EPB41L1: variants seen among roughly 807,000 people sequenced by gnomAD.
EPB41L1 encodes the protein erythrocyte membrane protein band 4.1 like 1.
Under a neutral mutation model 97.8 loss-of-function variants are expected in EPB41L1, and 29 were observed. The observed-to-expected ratio is 0.30, with a 90% CI of 0.22 to 0.40. EPB41L1 has a LOEUF of 0.40. Ranked by LOEUF, EPB41L1 falls within the 10% of genes least tolerant of loss-of-function variation. EPB41L1 has a pLI of 1.00. For missense variants in EPB41L1, 812 were observed against 1,162.3 expected (o/e 0.70, Z 4.38); for synonymous variants, 383 against 459.2 (o/e 0.83, Z 2.12).
chr20:36,092,647 C>A lies in EPB41L1; in HGVS notation c.-65+1035C>A, dbSNP rs1331988318. On this transcript the variant is annotated intron_variant, in intron 1 of 19. Coordinates refer to the EPB41L1 transcript ENST00000202028. The surrounding 1 kb of genome is among the most constrained non-coding windows in gnomAD (Gnocchi z 7.0). ...GAGCGGCGAGAGGGGGTGTGGGGGG[C>A]GGGCGAGGAGGGGGCTGAGCGCCGT... The A allele has an allele frequency of 6.6e-6, 1 of 151,108 alleles. No individual in the cohort carries two copies. The highest frequency in any genetic ancestry group is 2.4e-5 in the African/African-American group (1 of 41,210). The allele number at this position is 151,108 out of a possible 1,614,324, so 9.4% of individuals were successfully genotyped here.
At chr20:36,097,562 G>A (rs572449949) in intron 1 of EPB41L1, among the ~76,000 whole-genome samples, 30 of 152,312 alleles carry the variant, frequency 2.0e-4, no homozygotes, top group East Asian at 3.9e-4. Flanking sequence ...AAACAGAAAT[G>A]AATCCAGCAG....
At chr20:36,183,676 G>A (rs148585521) in intron 6 of EPB41L1, among the ~76,000 whole-genome samples, 128 of 152,298 alleles carry the variant, frequency 8.4e-4, no homozygotes, top group African/African-American at 2.8e-3. Flanking sequence ...AGTTAGGCCC[G>A]AAATAAACTG....
At chr20:36,165,596 G>A (rs1351025487) in intron 1 of EPB41L1, among the ~76,000 whole-genome samples, 2 of 152,184 alleles carry the variant, frequency 1.3e-5, no homozygotes, top group Non-Finnish European at 2.9e-5. Context: ...CTACTCGGGA[G>A]GCTGAGGCAG....
At chr20:36,118,378 CAG>C (rs955161817) in intron 2 of EPB41L1, among the ~76,000 whole-genome samples, 21 of 151,764 alleles carry the variant, frequency 1.4e-4, no homozygotes, top group African/African-American at 5.1e-4. Context: ...AAAAGAAACA[CAG>C]AGTGTACTGA....
At chr20:36,128,218 G>A (rs976782487) in intron 2 of EPB41L1, among the ~76,000 whole-genome samples, 1 of 152,140 alleles carries the variant, frequency 6.6e-6, no homozygotes, top group Non-Finnish European at 1.5e-5. Flanking sequence ...ACCTCACAGG[G>A]CTTGTTGCCA....
At position 36,194,230 on chromosome 20, in the gene EPB41L1, C is replaced by G. The variant is rs754633088; in HGVS notation, c.1319C>G (p.Ala440Gly). ...SLDGAEFSRP[A>G]SVSENHDAGP... is the part of the protein sequence containing the mutation. ...ACTTCAGCAGAGTTCTCCCGCCCAG[C>G]CTCGGTCAGCGAGAACCATGATGCA... Residue 440 changes from alanine to glycine, a missense_variant, in exon 12 of 22, where the codon GCC becomes GGC. Transcript: ENST00000338074. 6 of 1,613,898 alleles carry G rather than the reference C, an allele frequency of 3.7e-6. No individual in the cohort carries two copies. Among genetic ancestry groups the G allele is most frequent in the Non-Finnish European group, 5.1e-6 (6 of 1,180,056 alleles).
intron 2 of EPB41L1, among the ~76,000 whole-genome samples, chr20:36,147,696 T>C (rs994502934): frequency 6.6e-6 from 1 of 152,220 alleles, no homozygotes; most frequent in Non-Finnish European, 1.5e-5. Context: ...TAATTGATGG[T>C]GATGCTGCAG....
At position 36,209,774 on chromosome 20, in the gene EPB41L1, C is replaced by CT; in HGVS notation, c.1956dup (p.Glu653Ter). On this transcript the variant is annotated frameshift_variant, in exon 15 of 22. Coordinates refer to ENST00000338074, the MANE Select transcript of EPB41L1 (RefSeq NM_012156.2). This position sits in a 1 kb window ranked among gnomAD's most constrained non-coding sequence, Gnocchi z 4.2. ...GACCGGGACAAAAGCGACTCGGACA[C>CT]TGAGGGCCTGCTGTTCTCCCGGGAT... 1.2e-6 allele frequency: 2 copies of CT among 1,614,112 alleles called. No homozygotes were observed. The highest frequency in any genetic ancestry group is 1.7e-6 in the Non-Finnish European group (2 of 1,180,046).
rs1299931553 is a variant in EPB41L1, at chr20:36,206,529, G to C, written c.1669-2959G>C. The C allele has an allele frequency of 3.1e-6, 4 of 1,289,864 alleles. No homozygotes were observed. The highest frequency in any genetic ancestry group is 1.2e-5 in the South Asian group (1 of 81,038). 79.9% of individuals were successfully genotyped at this position (1,289,864 alleles called of 1,614,324 possible). A position where few individuals can be genotyped will look rare whatever the true frequency, so the allele number is the denominator to read the frequency against. ...ACCAAGTCCTCCCTCCACCCCTGGA[G>C]GAGAGAAAAGGGCGCCTGGATGCCC... is the stretch of plus-strand genomic sequence containing the variant. On this transcript the variant is annotated intron_variant, in intron 14 of 21. Transcript: ENST00000338074. The surrounding 1 kb of genome is among the most constrained non-coding windows in gnomAD (Gnocchi z 5.5).
At position 36,197,997 on chromosome 20, in the gene EPB41L1, C is replaced by T. The variant is rs780638341; in HGVS notation, c.1624C>T (p.Pro542Ser). 1 of 1,613,650 alleles carries T rather than the reference C, an allele frequency of 6.2e-7. No individual in the cohort carries two copies. The highest frequency in any genetic ancestry group is 1.3e-5 in the African/African-American group (1 of 74,892). The change falls in exon 14 of 22, where the codon CCC (proline) becomes TCC (serine). Residue 542 changes from proline (P) to serine (S), a missense_variant. Around this residue, in one of 3 missense-constraint regions of EPB41L1, gnomAD observed 498 missense variants for 622.7 expected, o/e 0.80. Transcript: ENST00000338074. ...ACGGGAGCGCAGGCTGCCCTCCTCC[C>T]CCGCCTCCCCCTCCCCCAAGGGCAC... ...WERERRLPSS[P>S]ASPSPKGTPE...
At chr20:36,101,179 G>A (rs1327021525) in intron 1 of EPB41L1, among the ~76,000 whole-genome samples, 1 of 152,212 alleles carries the variant, frequency 6.6e-6, no homozygotes, top group Non-Finnish European at 1.5e-5. Context: ...AAGAAGTGGG[G>A]AGGGAGGCAG....
At chr20:36,166,426 C>G (rs936178290) in intron 1 of EPB41L1, among the ~76,000 whole-genome samples, 6 of 152,196 alleles carry the variant, frequency 3.9e-5, no homozygotes, top group African/African-American at 1.4e-4. Flanking sequence ...TAGCAGACTA[C>G]AAATGATAAT....
At chr20:36,178,707 G>A (rs747999606) in intron 5 of EPB41L1, 35 bp downstream of exon 5, 65 of 1,611,928 alleles carry the variant, frequency 4.0e-5, no homozygotes, top group Middle Eastern at 1.6e-4. Flanking sequence ...AGGTGGGTGG[G>A]TGAGGGGATT....
chr20:36,226,119 A>G (rs2064137791), intron 21 of EPB41L1, among the ~76,000 whole-genome samples: 1 of 152,202 alleles, frequency 6.6e-6, no homozygotes. Context: ...AGTCAGACTC[A>G]CTAATTCTAG....
intron 1 of EPB41L1, among the ~76,000 whole-genome samples, chr20:36,094,794 G>A (rs2147448897): frequency 6.6e-6 from 1 of 152,132 alleles, no homozygotes; most frequent in African/African-American, 2.4e-5. Flanking sequence ...TGGAGTTCAT[G>A]AGCTCTGGAG....
In EPB41L1 at chr20:36,229,381, C is replaced by G. The variant is rs748329827; in HGVS notation, c.*41C>G. 1 of 1,610,776 alleles carries G rather than the reference C, an allele frequency of 6.2e-7. No homozygotes were observed. The highest frequency in any genetic ancestry group is 2.2e-5 in the East Asian group (1 of 44,834). On this transcript the variant is annotated 3_prime_UTR_variant, in exon 22 of 22. Coordinates refer to ENST00000338074, the MANE Select transcript of EPB41L1 (RefSeq NM_012156.2). ...CCTGGCATTTCTGGTCCAACCCAAG[C>G]CAGAGAACCATTAAGAAGGGGCCTT...
intron 19 of EPB41L1, among the ~76,000 whole-genome samples, chr20:36,220,618 T>C (rs1349984668): frequency 3.3e-5 from 5 of 151,150 alleles, no homozygotes; most frequent in Admixed American, 6.6e-5. Context: ...GATGTGTAGA[T>C]AGGTGGGAGA....
rs1167152933 is a variant in EPB41L1 at position 36,214,429 on chromosome 20, T to C, written c.2257T>C (p.Ser753Pro). 6.2e-7 allele frequency: 1 copy of C among 1,613,062 alleles called. No homozygotes were observed. The highest frequency in any genetic ancestry group is 2.2e-5 in the East Asian group (1 of 44,854). The change falls in exon 17 of 22, where the codon TCG becomes CCG. Residue 753 changes from serine (S) to proline (P), a missense_variant. Ser to Pro is a moderately conservative substitution (Grantham distance 74). This residue lies in a region of EPB41L1 where 498 missense variants were observed against 622.7 expected (regional missense o/e 0.80). Coordinates refer to ENST00000338074, the MANE Select transcript of EPB41L1 (RefSeq NM_012156.2). ...TCCCTCCATCACCACGGAGACCATA[T>C]CGACCACCATGGTAAGTTGAACCCA... is the stretch of plus-strand genomic sequence containing the variant. ...TTPSITTETI[S>P]TTMENSLKSG... is the part of the protein sequence containing the mutation.
chr20:36,142,997 G>GT (rs1341725642), intron 2 of EPB41L1, among the ~76,000 whole-genome samples: 1 of 152,230 alleles, frequency 6.6e-6, no homozygotes, highest in Admixed American at 6.5e-5. Context: ...GGTGGCAGCA[G>GT]TAACTCTGAC....
Sources: allele counts gnomAD v4.1 joint callset (sites outside exome capture counted in the v4.1 genomes callset), GRCh38; gene constraint gnomAD v4.1.1; regional missense constraint gnomAD v4.1.1; non-coding constraint Gnocchi (gnomAD v3.1); transcripts MANE v1.5; gene names NCBI Gene and HGNC (gene_info 2026-07-23, HGNC 2026-07-21).